Variants in TK2 observed in about 807,000 individuals in gnomAD.
The protein encoded by TK2 is thymidine kinase 2.
TK2 carries 35 observed loss-of-function variants against 41.9 expected under a neutral mutation model. That is an observed-to-expected ratio of 0.84 (90% CI 0.64 to 1.11). The LOEUF is 1.11. Ranked by LOEUF, TK2 falls within the 50% of genes least tolerant of loss-of-function variation. The pLI is 0.00. For synonymous variants in TK2, 128 were observed against 129.1 expected, an observed-to-expected ratio of 0.99 and a Z score of 0.06; for missense variants, 320 against 351.1, an observed-to-expected ratio of 0.91 and a Z score of 0.71.
intron 6 of TK2, among the ~76,000 whole-genome samples, chr16:66,524,287 C>G (rs980757163): frequency 6.6e-6 from 1 of 152,120 alleles, no homozygotes; most frequent in East Asian, 1.9e-4. Context: ...GGAAAAGGGT[C>G]GTGGCATTGG....
rs757161973 is a variant in TK2 at position 66,549,986 on chromosome 16, C to T, written c.76G>A (p.Ala26Thr). The change falls in exon 1 of 10, where the codon GCC becomes ACC. Residue 26 changes from alanine to threonine, a missense_variant. Ala to Thr is a moderately conservative substitution (Grantham distance 58). Coordinates refer to ENST00000544898, the MANE Select transcript of TK2 (RefSeq NM_004614.5). ...ACCCTCCGCGGCCCGGGGCCTGAGG[C>T]CGGGCTCCCGCGACTTCCCGGCCCA... ...CFGPGSRGSP[A>T]SGPGPRRVQR... is the part of the protein sequence containing the mutation. The T allele has an allele frequency of 9.3e-6, 14 of 1,513,096 alleles. No individual in the cohort carries two copies. The South Asian group carries it at 1.2e-4, about 13-fold the overall frequency. The allele number at this position is 1,513,096 out of a possible 1,614,324, so 93.7% of individuals were successfully genotyped here.
intron 2 of TK2, chr16:66,546,649 G>A (rs1196408851): frequency 6.7e-6 from 1 of 149,328 alleles, no homozygotes; most frequent in Non-Finnish European, 1.5e-5. Flanking sequence ...CATAGTGAGT[G>A]CCTTCCCAGG....
intron 4 of TK2, 84 bp downstream of exon 4, chr16:66,536,880 G>GCT: frequency 1.3e-6 from 2 of 1,509,854 alleles, no homozygotes; most frequent in East Asian, 4.5e-5. Flanking sequence ...GAATGCCTGG[G>GCT]CAGGCAGGGC....
In TK2 at chr16:66,517,191, G is replaced by A. The variant is rs752170003; in HGVS notation, c.563C>T (p.Thr188Ile). Residue 188 changes from threonine to isoleucine, a missense_variant, in exon 8 of 10, where the codon ACT becomes ATT. Transcript: ENST00000544898. This position sits in a 1 kb window ranked among gnomAD's most constrained non-coding sequence, Gnocchi z 4.3. ...LIVYLRTNPE[T>I]CYQRLKKRCR... ...TCTCTTCTTTAACCTCTGGTAACAA[G>A]TCTCAGGATTGGTCCGAAGGTAAAC... is the stretch of plus-strand genomic sequence containing the variant. 1 of 1,614,152 alleles carries A rather than the reference G, an allele frequency of 6.2e-7. No homozygotes were observed. Among genetic ancestry groups the A allele is most frequent in the South Asian group, 1.1e-5 (1 of 91,084 alleles).
At chr16:66,537,628 A>T (rs1196487816) in intron 3 of TK2, among the ~76,000 whole-genome samples, 1 of 152,158 alleles carries the variant, frequency 6.6e-6, no homozygotes, top group Non-Finnish European at 1.5e-5. Context: ...ACATATCAGG[A>T]TCTCTGCTGG....
chr16:66,530,357 T>C (rs115309448), intron 5 of TK2, among the ~76,000 whole-genome samples: 1,708 of 152,284 alleles, frequency 0.011, 38 homozygotes, highest in African/African-American at 0.04. Flanking sequence ...CTTTGAAACA[T>C]AGGTGCTGAT....
intron 6 of TK2, among the ~76,000 whole-genome samples, chr16:66,525,968 G>A (rs1468906951): frequency 6.6e-6 from 1 of 152,158 alleles, no homozygotes; most frequent in Non-Finnish European, 1.5e-5. Context: ...ACAGCTCCAG[G>A]CAAGGCCCAT....
intron 6 of TK2, 31 bp downstream of exon 6, chr16:66,528,963 A>C: frequency 6.2e-7 from 1 of 1,601,380 alleles, no homozygotes; most frequent in Non-Finnish European, 8.6e-7. Context: ...TTAGTGGTTT[A>C]ATAAATTATC....
Position 66,514,153 on chromosome 16 carries a change from T to C in TK2, c.619-342A>G, listed in dbSNP as rs1597074584. Among the ~76,000 whole-genome samples the C allele has an allele frequency of 2.3e-5, 3 of 133,128 alleles. No homozygotes were observed. Among genetic ancestry groups the C allele is most frequent in the African/African-American group, 8.6e-5 (3 of 34,764 alleles). The allele number at this position is 133,128 out of a possible 152,430, so 87.3% of individuals were successfully genotyped here. ...CCCTCTCCCTCTCCCCTTTGCACGG[T>C]TTCCCTCTGATGCCCAGCCGAGGCT... On this transcript the variant is annotated intron_variant, in intron 8 of 9. Coordinates refer to ENST00000544898, the MANE Select transcript of TK2 (RefSeq NM_004614.5). The surrounding 1 kb of genome is among the most constrained non-coding windows in gnomAD (Gnocchi z 4.2).
At chr16:66,516,565 A>T (rs1459848524) in intron 8 of TK2, among the ~76,000 whole-genome samples, 1 of 152,118 alleles carries the variant, frequency 6.6e-6, no homozygotes, top group Non-Finnish European at 1.5e-5. Context: ...AGATGCAAGG[A>T]GGGAAGGGCC....
rs1964647682 is a variant in TK2, at chr16:66,517,397, CG to C, written c.539-183del. The C allele has an allele frequency of 2.9e-6, 2 of 686,220 alleles. No individual in the cohort carries two copies. The highest frequency in any genetic ancestry group is 5.3e-6 in the Non-Finnish European group (2 of 379,688). The allele number at this position is 686,220 out of a possible 1,614,324, so 42.5% of individuals were successfully genotyped here. ...CATTCTCTTTCAGTGTCAGCGGCCCCGTGGGGTCGTTTTGAGGCTGAATGGG... is the reference window on the plus strand; with the variant it reads ...CATTCTCTTTCAGTGTCAGCGGCCCCTGGGGTCGTTTTGAGGCTGAATGGG... On this transcript the variant is annotated intron_variant, in intron 7 of 9. Transcript: ENST00000544898. This position sits in a 1 kb window ranked among gnomAD's most constrained non-coding sequence, Gnocchi z 4.3.
intron 6 of TK2, chr16:66,518,158 T>C: frequency 2.2e-6 from 1 of 456,408 alleles, no homozygotes. Context: ...GAAAGGGACT[T>C]TAAAGCTTGT....
chr16:66,540,054 G>A (rs1286897375), intron 3 of TK2, among the ~76,000 whole-genome samples: 2 of 152,148 alleles, frequency 1.3e-5, no homozygotes, highest in Admixed American at 6.5e-5. Context: ...GCAGTCTTAG[G>A]TCTGCTATGT....
At chr16:66,539,555 C>T (rs184122421) in intron 3 of TK2, among the ~76,000 whole-genome samples, 6 of 136,770 alleles carry the variant, frequency 4.4e-5, no homozygotes, top group African/African-American at 1.6e-4. Context: ...GAGCCGAGAT[C>T]ATGCCACTGC....
intron 4 of TK2, among the ~76,000 whole-genome samples, chr16:66,536,445 G>A (rs1965285306): frequency 6.6e-6 from 1 of 152,086 alleles, no homozygotes; most frequent in Non-Finnish European, 1.5e-5. Context: ...GAAGGTGAAG[G>A]AAGGGACACA....
In TK2 at chr16:66,518,099, T is replaced by A. The variant is rs1289389216; in HGVS notation, c.450-222A>T. On this transcript the variant is annotated intron_variant, in intron 6 of 9. Transcript: ENST00000544898. ...TTATGGCACAATGCTGCAAGGGCCA[T>A]GGCACGGAGTGATGGGAGAATTCAC... 6 of 580,406 alleles carry A rather than the reference T, an allele frequency of 1.0e-5. No homozygotes were observed. The Admixed American group carries it at 1.6e-4, about 15-fold the overall frequency. The allele number at this position is 580,406 out of a possible 1,614,324, so 36.0% of individuals were successfully genotyped here. A position where few individuals can be genotyped will look rare whatever the true frequency, so the allele number is the denominator to read the frequency against.
chr16:66,549,240 A>T, intron 1 of TK2: 5 of 1,399,744 alleles, frequency 3.6e-6, no homozygotes, highest in Non-Finnish European at 4.6e-6. Context: ...GAGTTCTTTC[A>T]CTTAGTACAT....
Position 66,508,155 on chromosome 16 carries a change from C to G in TK2, c.*3813G>C, listed in dbSNP as rs1291949527. ...GTCTTAAAGAAAAAAAAAGAAAAGACACAGAAAGAAATTCAAGACAGCTTC... is the reference window on the plus strand; with the variant it reads ...GTCTTAAAGAAAAAAAAAGAAAAGAGACAGAAAGAAATTCAAGACAGCTTC... On this transcript the variant is annotated 3_prime_UTR_variant, in exon 10 of 10. Transcript: ENST00000544898. The G allele has an allele frequency of 6.6e-6, 1 of 152,192 alleles. No individual in the cohort carries two copies. 9.4% of individuals were successfully genotyped at this position (152,192 alleles called of 1,614,324 possible). A position where few individuals can be genotyped will look rare whatever the true frequency, so the allele number is the denominator to read the frequency against.
At chr16:66,543,881 A>G (rs1223466948) in intron 2 of TK2, among the ~76,000 whole-genome samples, 1 of 151,668 alleles carries the variant, frequency 6.6e-6, no homozygotes, top group Non-Finnish European at 1.5e-5. Context: ...CTCCCAGCCC[A>G]CTCCTTTAGA....
Sources: gnomAD v4.1 joint callset for allele counts (sites outside exome capture counted in the v4.1 genomes callset) on GRCh38, gnomAD v4.1.1 for gene constraint, Gnocchi (gnomAD v3.1) non-coding constraint, MANE v1.5 for transcripts, NCBI Gene and HGNC (gene_info 2026-07-23, HGNC 2026-07-21) for gene names.